GEMIN5: variants seen among roughly 807,000 people sequenced by gnomAD.
GEMIN5 encodes gem-associated protein 5.
A neutral mutation model predicts 176.9 loss-of-function variants in GEMIN5; 124 were observed. The ratio of observed to expected loss-of-function variants is 0.70; its 90% confidence interval spans 0.61 to 0.81. The LOEUF (loss-of-function observed/expected upper bound fraction) is 0.81, where lower values mean the gene tolerates loss of function less well. Ranked by LOEUF, GEMIN5 falls within the 40% of genes least tolerant of loss-of-function variation. The probability of loss-of-function intolerance (pLI) is 0.00; values close to 1 mark genes in which losing one functional copy is unlikely to be tolerated. For missense variants in GEMIN5, 1,843 were observed against 1,814.6 expected (o/e 1.02, Z -0.28); for synonymous variants, 673 against 665.2 (o/e 1.01, Z -0.18).
chr5:154,918,088 G>T, intron 11 of GEMIN5, 84 bp from the exon 12 acceptor site: 1 of 786,942 alleles, frequency 1.3e-6, no homozygotes, highest in Non-Finnish European at 2.2e-6. Flanking sequence ...AATCCCTAGA[G>T]TTTAAAAACG....
In GEMIN5 at chr5:154,901,369, A is replaced by G; in HGVS notation, c.2984T>C (p.Val995Ala). ...AAAATGGTTTGACTTGAGCAGCTCCACCGCTTCATACACTTTGTGGATGGA... is the reference window on the plus strand; with the variant it reads ...AAAATGGTTTGACTTGAGCAGCTCCGCCGCTTCATACACTTTGTGGATGGA... ...LLSIHKVYEA[V>A]ELLKSNHFYR... The change falls in exon 21 of 28, where the codon GTG (valine) becomes GCG (alanine). Residue 995 changes from valine to alanine, a missense_variant. Val to Ala is a moderately conservative substitution (Grantham distance 64, BLOSUM62 0). Coordinates refer to ENST00000285873, the MANE Select transcript of GEMIN5 (RefSeq NM_015465.5). 6.2e-7 allele frequency: 1 copy of G among 1,614,136 alleles called. No individual in the cohort carries two copies. The highest frequency in any genetic ancestry group is 8.5e-7 in the Non-Finnish European group (1 of 1,179,988).
chr5:154,888,959 G>T (rs145947546), intron 27 of GEMIN5, among the ~76,000 whole-genome samples: 2 of 151,616 alleles, frequency 1.3e-5, no homozygotes, highest in Non-Finnish European at 2.9e-5. Context: ...CTGAGTTCAC[G>T]CCATTCTCCT....
intron 6 of GEMIN5, 142 bp downstream of exon 6, chr5:154,928,385 A>G: frequency 1.4e-6 from 1 of 713,222 alleles, no homozygotes; most frequent in Admixed American, 2.3e-5. Context: ...TAGATAGCAC[A>G]GGCATTAGTC....
intron 24 of GEMIN5, among the ~76,000 whole-genome samples, chr5:154,893,997 T>C (rs1410905649): frequency 6.6e-6 from 1 of 152,214 alleles, no homozygotes; most frequent in Non-Finnish European, 1.5e-5. Flanking sequence ...CAGGCTGTAG[T>C]GCAGTGGTTC....
rs1763347570 is a variant in GEMIN5 at position 154,896,174 on chromosome 5, G to A, written c.3515C>T (p.Thr1172Ile). Reference protein sequence around the residue: ...AVWKSIFSLDTPEQYQEAFQK... With the variant: ...AVWKSIFSLDIPEQYQEAFQK... ...AAAGGCTTCCTGATACTGCTCAGGGGTGTCAAGGCTGAAGATGCTCTTCCA... is the reference window on the plus strand; with the variant it reads ...AAAGGCTTCCTGATACTGCTCAGGGATGTCAAGGCTGAAGATGCTCTTCCA... Residue 1172 changes from threonine to isoleucine, a missense_variant, in exon 24 of 28, where the codon ACC (threonine) becomes ATC (isoleucine). Physicochemically the swap from Thr to Ile is moderately conservative, Grantham distance 89 (BLOSUM62 -1). Coordinates refer to ENST00000285873, the MANE Select transcript of GEMIN5 (RefSeq NM_015465.5). The A allele has an allele frequency of 1.2e-6, 2 of 1,613,866 alleles. No homozygotes were observed. Among genetic ancestry groups the A allele is most frequent in the East Asian group, 2.2e-5 (1 of 44,874 alleles).
In GEMIN5 at chr5:154,916,972, C is replaced by T. The variant is rs780283205; in HGVS notation, c.1855+26G>A. On this transcript the variant is annotated intron_variant, in intron 13 of 27. Coordinates refer to ENST00000285873, the MANE Select transcript of GEMIN5 (RefSeq NM_015465.5). ...AAGTAGCTGAACAAACGATATCATCCCCAGTATGAAAGAAACCAAAGTTAC... is the reference window on the plus strand; with the variant it reads ...AAGTAGCTGAACAAACGATATCATCTCCAGTATGAAAGAAACCAAAGTTAC... 8.2e-6 allele frequency: 11 copies of T among 1,348,518 alleles called. No homozygotes were observed. In the East Asian group the frequency reaches 2.0e-4, roughly 25 times the overall value. 83.5% of individuals were successfully genotyped at this position (1,348,518 alleles called of 1,614,324 possible). A position where few individuals can be genotyped will look rare whatever the true frequency, so the allele number is the denominator to read the frequency against.
At position 154,898,658 on chromosome 5, in the gene GEMIN5, A is replaced by G. The variant is rs1040778851; in HGVS notation, c.3135-8T>C. 1 of 1,581,962 alleles carries G rather than the reference A, an allele frequency of 6.3e-7. No individual in the cohort carries two copies. The highest frequency in any genetic ancestry group is 2.2e-5 in the East Asian group (1 of 44,716). On this transcript the variant is annotated splice_region_variant and splice_polypyrimidine_tract_variant and intron_variant, in intron 22 of 27. Transcript: ENST00000285873. ...CAAGTGGCCCCTAAATAGCTATAAT[A>G]TGAATAAAAATGTGAAGAAAATGTC...
In GEMIN5 at chr5:154,911,737, C is replaced by G. The variant is rs1763703702; in HGVS notation, c.2157G>C (p.Arg719=). 2 of 1,613,268 alleles carry G rather than the reference C, an allele frequency of 1.2e-6. No homozygotes were observed. Among genetic ancestry groups the G allele is most frequent in the African/African-American group, 1.3e-5 (1 of 74,892 alleles). Residue 719 remains arginine (R), a synonymous_variant, in exon 15 of 28, where the codon CGG becomes CGC. Coordinates refer to ENST00000285873, the MANE Select transcript of GEMIN5 (RefSeq NM_015465.5). The stretch of plus-strand genomic sequence containing the variant: ...TAGGTTCTGACTGACCTTGAGGAGG[C>G]CGGGAATGATCTTGCATGGAAGTGA... The part of the protein sequence containing the change: ...KWLTSMQDHS[R]PPQGKKSIEL...
In GEMIN5 at chr5:154,924,558, CA is replaced by C. The variant is rs762546192; in HGVS notation, c.1294-5del. 6.5e-5 allele frequency: 103 copies of C among 1,584,260 alleles called. No individual in the cohort carries two copies. The highest frequency in any genetic ancestry group is 9.0e-5 in the South Asian group (8 of 89,116). On this transcript the variant is annotated splice_region_variant and splice_polypyrimidine_tract_variant and intron_variant, in intron 8 of 27. Transcript: ENST00000285873. Reference sequence around the variant, plus strand: ...CCTTGGTTGGGTGCCAGCACAGCTACAAAAAAAAGAGTTTCCAAGTGAGAAT... The same window carrying C: ...CCTTGGTTGGGTGCCAGCACAGCTACAAAAAAAGAGTTTCCAAGTGAGAAT...
intron 27 of GEMIN5, 108 bp downstream of exon 27, chr5:154,889,213 G>A (rs1763172411): frequency 6.3e-6 from 4 of 635,242 alleles, no homozygotes; most frequent in Non-Finnish European, 1.2e-5. Flanking sequence ...AATGGGTAGA[G>A]ATTTTAGAAA....
At chr5:154,918,317 C>A (rs1263785248) in intron 11 of GEMIN5, among the ~76,000 whole-genome samples, 1 of 152,130 alleles carries the variant, frequency 6.6e-6, no homozygotes, top group East Asian at 1.9e-4. Flanking sequence ...AATGTGGGGA[C>A]CATGAGGCCT....
chr5:154,913,489 G>A (rs1763747921), intron 13 of GEMIN5, among the ~76,000 whole-genome samples: 1 of 152,132 alleles, frequency 6.6e-6, no homozygotes, highest in Admixed American at 6.5e-5. Flanking sequence ...TCTACAAAAC[G>A]AGTGCCCTAT....
chr5:154,916,825 G>A (rs1763819769), intron 13 of GEMIN5, among the ~76,000 whole-genome samples, 173 bp downstream of exon 13: 1 of 152,076 alleles, frequency 6.6e-6, no homozygotes, highest in African/African-American at 2.4e-5. Context: ...TTTTTGTCAT[G>A]TTTGAAAGAA....
In GEMIN5 at chr5:154,932,258, A is replaced by T. The variant is rs768113132; in HGVS notation, c.510-8T>A. On this transcript the variant is annotated splice_region_variant and splice_polypyrimidine_tract_variant and intron_variant, in intron 3 of 27. Coordinates refer to ENST00000285873, the MANE Select transcript of GEMIN5 (RefSeq NM_015465.5). ...ACTATGCCATCCTTGTAGCTAAAAA[A>T]CAAGAGTTAGAAATATTACTAAAAA... The T allele has an allele frequency of 6.3e-7, 1 of 1,595,660 alleles. No individual in the cohort carries two copies. Among genetic ancestry groups the T allele is most frequent in the Non-Finnish European group, 8.6e-7 (1 of 1,167,096 alleles).
At position 154,928,652 on chromosome 5, in the gene GEMIN5, C is replaced by A. The variant is rs188365940; in HGVS notation, c.789G>T (p.Met263Ile). The A allele has an allele frequency of 3.0e-4, 477 of 1,614,004 alleles. 3 individuals carry two copies. In the Admixed American group the frequency reaches 7.7e-3, roughly 26 times the overall value. The change falls in exon 6 of 28, where the codon ATG (methionine) becomes ATT (isoleucine). Residue 263 changes from methionine to isoleucine, a missense_variant. By Grantham distance (10) the Met-to-Ile change is conservative (BLOSUM62 1). Transcript: ENST00000285873. ...TCTTCAGAAAGGGCAATTTCAAAAT[C>A]ATCACCCCTGCAGATTAAAAAGAAG... ...IWSCSRGRGV[M>I]ILKLPFLKRR...
intron 15 of GEMIN5, among the ~76,000 whole-genome samples, chr5:154,910,502 G>A (rs187403846): frequency 9.9e-5 from 15 of 152,078 alleles, no homozygotes; most frequent in Admixed American, 2.6e-4. Context: ...ATGGGATCTC[G>A]CTCTGTTGCC....
intron 21 of GEMIN5, among the ~76,000 whole-genome samples, chr5:154,900,519 A>G (rs1763441028): frequency 2.0e-5 from 3 of 152,216 alleles, no homozygotes; most frequent in Admixed American, 1.3e-4. Flanking sequence ...GAGAACAGAA[A>G]CAAATGATGG....
intron 4 of GEMIN5, 46 bp downstream of exon 4, chr5:154,932,053 T>A (rs1211735766): frequency 2.2e-6 from 3 of 1,373,458 alleles, no homozygotes; most frequent in East Asian, 4.6e-5. Flanking sequence ...CCCGTTCTGT[T>A]CTTCAGGTCT....
At chr5:154,893,064 T>A (rs1040863113) in intron 24 of GEMIN5, among the ~76,000 whole-genome samples, 9 of 151,652 alleles carry the variant, frequency 5.9e-5, no homozygotes, top group Non-Finnish European at 1.0e-4. Context: ...GCCACTGCAC[T>A]CCAGTCTGAG....
Sources: gnomAD v4.1 joint callset for allele counts (sites outside exome capture counted in the v4.1 genomes callset) on GRCh38, gnomAD v4.1.1 for gene constraint, MANE v1.5 for transcripts, NCBI Gene and HGNC (gene_info 2026-07-23, HGNC 2026-07-21) for gene names.